HRH3: variants seen among roughly 807,000 people sequenced by gnomAD.
The protein encoded by HRH3 is histamine H3 receptor.
A neutral mutation model predicts 21.6 loss-of-function variants in HRH3; 13 were observed. That is an observed-to-expected ratio of 0.60 (90% CI 0.39 to 0.96). The LOEUF (loss-of-function observed/expected upper bound fraction) is 0.96, where lower values mean the gene tolerates loss of function less well. HRH3 is among the 40% of genes least tolerant of loss of function. The pLI is 0.00. For missense variants in HRH3, 461 were observed against 622.7 expected, an observed-to-expected ratio of 0.74 and a Z score of 2.76; for synonymous variants, 276 against 290.3, an observed-to-expected ratio of 0.95 and a Z score of 0.50.
rs187384641 is a variant in HRH3, at chr20:62,215,570, C to T, written c.*436G>A. 10 of 425,574 alleles carry T rather than the reference C, an allele frequency of 2.3e-5. No homozygotes were observed. Among genetic ancestry groups the T allele is most frequent in the Admixed American group, 1.0e-4 (4 of 39,368 alleles). The allele number at this position is 425,574 out of a possible 1,614,324, so 26.4% of individuals were successfully genotyped here. A position where few individuals can be genotyped will look rare whatever the true frequency, so the allele number is the denominator to read the frequency against. On this transcript the variant is annotated 3_prime_UTR_variant, in exon 3 of 3. Transcript: ENST00000340177. Reference sequence around the variant, plus strand: ...GCAAAGGCAGTGTCCTGGGCTTGTCCGGGGAGAGGGACGGTGTGCAGGTGT... The same window carrying T: ...GCAAAGGCAGTGTCCTGGGCTTGTCTGGGGAGAGGGACGGTGTGCAGGTGT...
In HRH3 at chr20:62,218,776, A is replaced by G. The variant is rs35518241; in HGVS notation, c.251-119T>C. 1.2e-4 allele frequency: 111 copies of G among 953,516 alleles called. No individual in the cohort carries two copies. In the East Asian group the frequency reaches 2.8e-3, roughly 24 times the overall value. 59.1% of individuals were successfully genotyped at this position (953,516 alleles called of 1,614,324 possible). On this transcript the variant is annotated intron_variant, in intron 1 of 2. Transcript: ENST00000340177. The surrounding 1 kb of genome is among the most constrained non-coding windows in gnomAD (Gnocchi z 5.6). ...GGTGGCTGCTTTTCTGGAACTAGCC[A>G]TCCTCATCTTACCACCCCTCCACCT...
Position 62,218,450 on chromosome 20 carries a change from T to C in HRH3, c.417+41A>G. On this transcript the variant is annotated intron_variant, in intron 2 of 2. Transcript: ENST00000340177. This position sits in a 1 kb window ranked among gnomAD's most constrained non-coding sequence, Gnocchi z 5.6. ...GTGCCTCCCATGGGCGTCCCGACTGTCCCTGCGGAGTGAACAGGAGCTCCG... is the reference window on the plus strand; with the variant it reads ...GTGCCTCCCATGGGCGTCCCGACTGCCCCTGCGGAGTGAACAGGAGCTCCG... The C allele has an allele frequency of 6.3e-7, 1 of 1,597,542 alleles. No individual in the cohort carries two copies. The highest frequency in any genetic ancestry group is 8.5e-7 in the Non-Finnish European group (1 of 1,175,000).
rs1475617930 is a variant in HRH3 at position 62,219,607 on chromosome 20, T to TC, written c.250+113dup. On this transcript the variant is annotated intron_variant, in intron 1 of 2. Coordinates refer to ENST00000340177, the MANE Select transcript of HRH3 (RefSeq NM_007232.3). The surrounding 1 kb of genome is among the most constrained non-coding windows in gnomAD (Gnocchi z 8.7). ...CCGGACGCCCCCTTCCCAGGCCGGG[T>TC]CCCCTGGTGGGGCGTGTGCCTGCGG... 10 of 1,348,638 alleles carry TC rather than the reference T, an allele frequency of 7.4e-6. No individual in the cohort carries two copies. In the African/African-American group the frequency reaches 1.4e-4, roughly 19 times the overall value. 83.5% of individuals were successfully genotyped at this position (1,348,638 alleles called of 1,614,324 possible). A position where few individuals can be genotyped will look rare whatever the true frequency, so the allele number is the denominator to read the frequency against.
At position 62,219,714 on chromosome 20, in the gene HRH3, G is replaced by A. The variant is rs1011321044; in HGVS notation, c.250+7C>T. 6 of 1,593,256 alleles carry A rather than the reference G, an allele frequency of 3.8e-6. No homozygotes were observed. The Admixed American group carries it at 6.8e-5, about 18-fold the overall frequency. On this transcript the variant is annotated splice_region_variant and intron_variant, in intron 1 of 2. Coordinates refer to ENST00000340177, the MANE Select transcript of HRH3 (RefSeq NM_007232.3). This position sits in a 1 kb window ranked among gnomAD's most constrained non-coding sequence, Gnocchi z 8.7. ...GGGTCCCCAGCGGCCAGGGGCTGGG[G>A]ATTTACCGACGAGGAAGTCGGAGAT...
rs1978650565 is a variant in HRH3 at position 62,218,046 on chromosome 20, G to C, written c.417+445C>G. Among the ~76,000 whole-genome samples the C allele has an allele frequency of 6.6e-6, 1 of 152,180 alleles. No individual in the cohort carries two copies. Among genetic ancestry groups the C allele is most frequent in the Admixed American group, 6.5e-5 (1 of 15,282 alleles). ...CGATGCGGGAGCCTGGGTGGGGCAGGGTCCCTGACTCAGGTGGCCGCTCCC... is the reference window on the plus strand; with the variant it reads ...CGATGCGGGAGCCTGGGTGGGGCAGCGTCCCTGACTCAGGTGGCCGCTCCC... On this transcript the variant is annotated intron_variant, in intron 2 of 2. Transcript: ENST00000340177. The surrounding 1 kb of genome is among the most constrained non-coding windows in gnomAD (Gnocchi z 5.6).
At chr20:62,216,995 G>C (rs1470171625) in intron 2 of HRH3, 69 bp from the exon 3 acceptor site, 1 of 1,431,542 alleles carries the variant, frequency 7.0e-7, no homozygotes, top group Non-Finnish European at 9.3e-7. Context: ...CCCGTAGCCT[G>C]TGGGCCCCTA....
chr20:62,216,511 C>T lies in HRH3; in HGVS notation c.833G>A (p.Gly278Asp). 6.3e-7 allele frequency: 1 copy of T among 1,589,102 alleles called. No individual in the cohort carries two copies. The highest frequency in any genetic ancestry group is 8.6e-7 in the Non-Finnish European group (1 of 1,168,696). Residue 278 changes from glycine (G) to aspartate (D), a missense_variant, in exon 3 of 3, where the codon GGT becomes GAT. Transcript: ENST00000340177. ...EAMPLHRYGVGEAAVGAEAGE... is the reference protein window; with the variant it reads ...EAMPLHRYGVDEAAVGAEAGE... ...GGCCTCAGCGCCTACGGCCGCCTCA[C>T]CCACCCCATACCTGTGCAGCGGCAT...
In HRH3 at chr20:62,216,048, G is replaced by T. The variant is rs1300893162; in HGVS notation, c.1296C>A (p.Leu432=). 6.3e-7 allele frequency: 1 copy of T among 1,599,148 alleles called. No homozygotes were observed. The highest frequency in any genetic ancestry group is 1.3e-5 in the African/African-American group (1 of 74,852). ...CCAGGGAGCTGTGGGGCTGGATTTT[G>T]AGCTTCTGGGGGCAGAGCAGCTTGG... is the stretch of plus-strand genomic sequence containing the variant. ...AFTKLLCPQK[L]KIQPHSSLEH... The change falls in exon 3 of 3, where the codon CTC becomes CTA. Residue 432 remains leucine (L), a synonymous_variant. Transcript: ENST00000340177.
rs1978535025 is a variant in HRH3, at chr20:62,216,212, T to G, written c.1132A>C (p.Met378Leu). Residue 378 changes from methionine to leucine, a missense_variant, in exon 3 of 3, where the codon ATG (methionine) becomes CTG (leucine). Transcript: ENST00000340177. ...GLCWAPYTLLMIIRAACHGHC... is the reference protein window; with the variant it reads ...GLCWAPYTLLLIIRAACHGHC... ...CCATGGCAGGCGGCCCGGATGATCATCAGCAGCGTGTATGGGGCCCAGCAG... is the reference window on the plus strand; with the variant it reads ...CCATGGCAGGCGGCCCGGATGATCAGCAGCAGCGTGTATGGGGCCCAGCAG... The G allele has an allele frequency of 1.2e-6, 2 of 1,612,880 alleles. No individual in the cohort carries two copies. Among genetic ancestry groups the G allele is most frequent in the Non-Finnish European group, 8.5e-7 (1 of 1,179,976 alleles).
chr20:62,219,717 T>C lies in HRH3; in HGVS notation c.250+4A>G. 1 of 1,593,204 alleles carries C rather than the reference T, an allele frequency of 6.3e-7. No individual in the cohort carries two copies. The highest frequency in any genetic ancestry group is 8.6e-7 in the Non-Finnish European group (1 of 1,169,146). The stretch of plus-strand genomic sequence containing the variant: ...TCCCCAGCGGCCAGGGGCTGGGGAT[T>C]TACCGACGAGGAAGTCGGAGATGGC... On this transcript the variant is annotated splice_donor_region_variant and intron_variant, in intron 1 of 2. Coordinates refer to ENST00000340177, the MANE Select transcript of HRH3 (RefSeq NM_007232.3). The surrounding 1 kb of genome is among the most constrained non-coding windows in gnomAD (Gnocchi z 8.7).
rs978199420 is a variant in HRH3 at position 62,217,390 on chromosome 20, G to A, written c.418-464C>T. Among the ~76,000 whole-genome samples the A allele has an allele frequency of 8.5e-5, 13 of 152,356 alleles. No homozygotes were observed. In the East Asian group the frequency reaches 1.2e-3, roughly 14 times the overall value. On this transcript the variant is annotated intron_variant, in intron 2 of 2. Coordinates refer to ENST00000340177, the MANE Select transcript of HRH3 (RefSeq NM_007232.3). ...CAGCCCCACTCCTGCACAGGTGCTC[G>A]CACCCCTGGGAGCTGGAGGTGCAGG...
Position 62,215,879 on chromosome 20 carries a change from A to G in HRH3, c.*127T>C. 1.1e-6 allele frequency: 1 copy of G among 939,634 alleles called. No homozygotes were observed. Among genetic ancestry groups the G allele is most frequent in the East Asian group, 2.7e-5 (1 of 37,716 alleles). 58.2% of individuals were successfully genotyped at this position (939,634 alleles called of 1,614,324 possible). A position where few individuals can be genotyped will look rare whatever the true frequency, so the allele number is the denominator to read the frequency against. ...ATGGCAGGGTGGCTGCCGTGGCATT[A>G]AGAGAGGGCCACAGACACGGCGGGG... On this transcript the variant is annotated 3_prime_UTR_variant, in exon 3 of 3. Transcript: ENST00000340177.
rs1231313533 is a variant in HRH3, at chr20:62,218,707, C to G, written c.251-50G>C. On this transcript the variant is annotated intron_variant, in intron 1 of 2. Transcript: ENST00000340177. The surrounding 1 kb of genome is among the most constrained non-coding windows in gnomAD (Gnocchi z 5.6). Reference sequence around the variant, plus strand: ...GACCATGCAGCCAGGGGCCAGGGGACAGACGGACCTAAGCGCAGACACCGG... The same window carrying G: ...GACCATGCAGCCAGGGGCCAGGGGAGAGACGGACCTAAGCGCAGACACCGG... 3 of 1,578,500 alleles carry G rather than the reference C, an allele frequency of 1.9e-6. No individual in the cohort carries two copies. Among genetic ancestry groups the G allele is most frequent in the Admixed American group, 1.7e-5 (1 of 58,736 alleles).
intron 2 of HRH3, among the ~76,000 whole-genome samples, chr20:62,217,778 G>A (rs1175852585): frequency 6.6e-6 from 1 of 152,224 alleles, no homozygotes; most frequent in East Asian, 1.9e-4. Flanking sequence ...CTTCGTGGCA[G>A]CTCTCCTTGT....
chr20:62,219,839 G>A lies in HRH3; in HGVS notation c.132C>T (p.Leu44=), dbSNP rs774025096. 12 of 1,575,052 alleles carry A rather than the reference G, an allele frequency of 7.6e-6. No homozygotes were observed. In the South Asian group the frequency reaches 1.4e-4, roughly 18 times the overall value. The change falls in exon 1 of 3, where the codon CTC becomes CTT. Residue 44 remains leucine (L), a synonymous_variant. Coordinates refer to ENST00000340177, the MANE Select transcript of HRH3 (RefSeq NM_007232.3). This position sits in a 1 kb window ranked among gnomAD's most constrained non-coding sequence, Gnocchi z 8.7. The stretch of plus-strand genomic sequence containing the variant: ...CGTTGCCCAGCACCGTGGCCACGAT[G>A]AGCAGCGCCATGAGCGCGGCCAGCA... The part of the protein sequence containing the change: ...TAVLAALMAL[L]IVATVLGNAL...
rs1978683255 is a variant in HRH3 at position 62,218,711 on chromosome 20, C to T, written c.251-54G>A. 4 of 1,563,568 alleles carry T rather than the reference C, an allele frequency of 2.6e-6. No individual in the cohort carries two copies. Among genetic ancestry groups the T allele is most frequent in the Middle Eastern group, 2.2e-4 (1 of 4,550 alleles). On this transcript the variant is annotated intron_variant, in intron 1 of 2. Coordinates refer to ENST00000340177, the MANE Select transcript of HRH3 (RefSeq NM_007232.3). The surrounding 1 kb of genome is among the most constrained non-coding windows in gnomAD (Gnocchi z 5.6). ...ATGCAGCCAGGGGCCAGGGGACAGA[C>T]GGACCTAAGCGCAGACACCGGCGGG...
rs1051639266 is a variant in HRH3, at chr20:62,220,260, G to T, written c.-290C>A. ...GCCGGTGCGACCGTGCAGCCGGAGC[G>T]CAACGCGCAGCCGAGTGCGCCCCGC... is the stretch of plus-strand genomic sequence containing the variant. On this transcript the variant is annotated 5_prime_UTR_variant, in exon 1 of 3. Coordinates refer to ENST00000340177, the MANE Select transcript of HRH3 (RefSeq NM_007232.3). The T allele has an allele frequency of 6.7e-6, 1 of 149,546 alleles. No individual in the cohort carries two copies. The highest frequency in any genetic ancestry group is 2.4e-5 in the African/African-American group (1 of 40,918). 9.3% of individuals were successfully genotyped at this position (149,546 alleles called of 1,614,324 possible). A position where few individuals can be genotyped will look rare whatever the true frequency, so the allele number is the denominator to read the frequency against.
chr20:62,217,027 C>T, intron 2 of HRH3, 101 bp from the exon 3 acceptor site: 1 of 1,139,942 alleles, frequency 8.8e-7, no homozygotes, highest in South Asian at 1.6e-5. Flanking sequence ...CCCTCAGCAG[C>T]AATGCTCCTC....
intron 2 of HRH3, 108 bp from the exon 3 acceptor site, chr20:62,217,034 C>T (rs1463448932): frequency 2.0e-6 from 2 of 1,013,588 alleles, no homozygotes; most frequent in East Asian, 2.6e-5. Context: ...CAGCAATGCT[C>T]CTCCTTTCCC....
Sources: gnomAD v4.1 joint callset for allele counts (sites outside exome capture counted in the v4.1 genomes callset) on GRCh38, gnomAD v4.1.1 for gene constraint, Gnocchi (gnomAD v3.1) non-coding constraint, MANE v1.5 for transcripts, NCBI Gene and HGNC (gene_info 2026-07-23, HGNC 2026-07-21) for gene names.